The following RPS6KA2 variants were observed in gnomAD, a reference collection of about 807,000 sequenced individuals.
RPS6KA2 encodes ribosomal protein S6 kinase alpha-2.
RPS6KA2 carries 42 observed loss-of-function variants against 91.8 expected under a neutral mutation model. The ratio of observed to expected loss-of-function variants is 0.46; its 90% CI spans 0.36 to 0.59. The LOEUF (loss-of-function observed/expected upper bound fraction) is 0.59, where lower values mean the gene tolerates loss of function less well. Ranked by LOEUF, RPS6KA2 falls within the 20% of genes least tolerant of loss-of-function variation. RPS6KA2 has a pLI of 0.00. For synonymous variants in RPS6KA2, 414 were observed against 393.6 expected (o/e 1.05, Z -0.61); for missense variants, 798 against 978.5 (o/e 0.82, Z 2.46).
In RPS6KA2 at chr6:166,849,545, G is replaced by A. The variant is rs967941355; in HGVS notation, c.123+8655C>T. ...ATCAGCTTGAGTCACCACGCGTGTA[G>A]CTGACAGTGGAGGACCCCAGGCCAC... On this transcript the variant is annotated intron_variant, in intron 2 of 21. Transcript: ENST00000503859. This position sits in a 1 kb window ranked among gnomAD's most constrained non-coding sequence, Gnocchi z 4.9. 6.6e-6 allele frequency among the ~76,000 whole-genome samples: 1 copy of A among 152,192 alleles called. No individual in the cohort carries two copies. The highest frequency in any genetic ancestry group is 2.4e-5 in the African/African-American group (1 of 41,456).
chr6:166,671,706 A>G (rs1343169886), intron 2 of RPS6KA2, among the ~76,000 whole-genome samples: 1 of 152,150 alleles, frequency 6.6e-6, no homozygotes, highest in Non-Finnish European at 1.5e-5. Flanking sequence ...AAAAATGCAA[A>G]GTCAGGGTGC....
chr6:166,560,686 G>A (rs1276456382), intron 1 of RPS6KA2, among the ~76,000 whole-genome samples: 1 of 152,152 alleles, frequency 6.6e-6, no homozygotes, highest in African/African-American at 2.4e-5. Context: ...AGGGGAGGGA[G>A]GGCAGGCACC....
chr6:166,675,490 A>C (rs1315962090), intron 2 of RPS6KA2, among the ~76,000 whole-genome samples: 3 of 152,172 alleles, frequency 2.0e-5, no homozygotes, highest in Non-Finnish European at 4.4e-5. Flanking sequence ...AGAGGCTGTG[A>C]CACCCGGCAA....
In RPS6KA2 at chr6:166,612,477, C is replaced by T. The variant is rs1786220162; in HGVS notation, c.99+14444G>A. On this transcript the variant is annotated intron_variant, in intron 1 of 20. Transcript: ENST00000265678. This position sits in a 1 kb window ranked among gnomAD's most constrained non-coding sequence, Gnocchi z 4.3. Reference sequence around the variant, plus strand: ...TGGCTCCTGCAGACCCCTGGCTCCCCTCGCGGGCTTGCAACCAGGCACTCT... The same window carrying T: ...TGGCTCCTGCAGACCCCTGGCTCCCTTCGCGGGCTTGCAACCAGGCACTCT... Among the ~76,000 whole-genome samples the T allele has an allele frequency of 6.6e-6, 1 of 152,182 alleles. No homozygotes were observed. Among genetic ancestry groups the T allele is most frequent in the South Asian group, 2.1e-4 (1 of 4,826 alleles).
chr6:166,774,403 T>C (rs1231893687), intron 2 of RPS6KA2, among the ~76,000 whole-genome samples: 1 of 152,194 alleles, frequency 6.6e-6, no homozygotes, highest in East Asian at 1.9e-4. Flanking sequence ...TTTCAAGTGG[T>C]GCTGTGGCTG....
chr6:166,736,430 C>T (rs535324317), intron 2 of RPS6KA2, among the ~76,000 whole-genome samples: 2 of 152,210 alleles, frequency 1.3e-5, no homozygotes, highest in Non-Finnish European at 2.9e-5. Flanking sequence ...TGCCACCTTG[C>T]TATTTGCCAC....
intron 2 of RPS6KA2, among the ~76,000 whole-genome samples, chr6:166,693,319 CG>C (rs994361763): frequency 6.6e-6 from 1 of 152,206 alleles, no homozygotes; most frequent in Non-Finnish European, 1.5e-5. Flanking sequence ...CTGCTAAACA[CG>C]CGGAAGTGAT....
intron 12 of RPS6KA2, among the ~76,000 whole-genome samples, chr6:166,458,536 G>A (rs572287764): frequency 6.6e-6 from 1 of 152,302 alleles, no homozygotes; most frequent in East Asian, 1.9e-4. Flanking sequence ...AGGCCTTTAA[G>A]AGAATAACTG....
chr6:166,696,231 C>G (rs1185081120), intron 2 of RPS6KA2, among the ~76,000 whole-genome samples: 1 of 152,044 alleles, frequency 6.6e-6, no homozygotes, highest in African/African-American at 2.4e-5. Context: ...GAGAAGCAGC[C>G]CCACGTGAGA....
Position 166,447,953 on chromosome 6 carries a change from C to CT in RPS6KA2, c.1332+770dup, listed in dbSNP as rs111680950. On this transcript the variant is annotated intron_variant, in intron 14 of 20. Transcript: ENST00000265678. ...CTTTTGGAGAGGATGTACAATGTATCTTTTTTTAACATAAATTTCATTCTG... is the reference window on the plus strand; with the variant it reads ...CTTTTGGAGAGGATGTACAATGTATCTTTTTTTTAACATAAATTTCATTCTG... 4.9e-3 allele frequency among the ~76,000 whole-genome samples: 748 copies of CT among 152,210 alleles called. 5 individuals carry two copies. Among genetic ancestry groups the CT allele is most frequent in the African/African-American group, 0.016 (680 of 41,532 alleles).
chr6:166,542,469 A>G (rs1283884661), intron 1 of RPS6KA2: 1 of 152,196 alleles, frequency 6.6e-6, no homozygotes. Flanking sequence ...AGCTAACTTG[A>G]GAGCTTTGGG....
chr6:166,641,015 T>C (rs1430015468), intron 2 of RPS6KA2, among the ~76,000 whole-genome samples: 1 of 152,238 alleles, frequency 6.6e-6, no homozygotes, highest in East Asian at 1.9e-4. Context: ...TAGTATGGCC[T>C]GAAAAACTCC....
chr6:166,468,703 A>G (rs576579617), intron 11 of RPS6KA2, among the ~76,000 whole-genome samples: 2 of 151,880 alleles, frequency 1.3e-5, no homozygotes, highest in African/African-American at 4.8e-5. Flanking sequence ...CTCTACTAAA[A>G]ATATAAAAAA....
chr6:166,744,238 G>A (rs1294551350), intron 2 of RPS6KA2, among the ~76,000 whole-genome samples: 1 of 152,264 alleles, frequency 6.6e-6, no homozygotes. Context: ...AGCCAGCCCT[G>A]TGGATGCAGT....
At chr6:166,455,345 C>A (rs1441630208) in intron 12 of RPS6KA2, among the ~76,000 whole-genome samples, 1 of 152,092 alleles carries the variant, frequency 6.6e-6, no homozygotes, top group Non-Finnish European at 1.5e-5. Flanking sequence ...CAAGCGGGGG[C>A]CAGGCCGTGG....
chr6:166,592,846 A>G (rs1202541899), intron 1 of RPS6KA2, among the ~76,000 whole-genome samples: 1 of 152,216 alleles, frequency 6.6e-6, no homozygotes. Context: ...TATATTCCTA[A>G]TTATATTCCT....
chr6:166,748,241 G>C (rs995330901), intron 2 of RPS6KA2, among the ~76,000 whole-genome samples: 1 of 152,158 alleles, frequency 6.6e-6, no homozygotes, highest in Non-Finnish European at 1.5e-5. Flanking sequence ...GGCGGGATGA[G>C]GGCAGCCCGG....
In RPS6KA2 at chr6:166,554,143, T is replaced by C. The variant is rs560267028; in HGVS notation, c.100-15359A>G. ...GTGCTGCCATCACTGAAGCAACTGATGCAGTTCGTAAGTTCAGCTTTCTGC... is the reference window on the plus strand; with the variant it reads ...GTGCTGCCATCACTGAAGCAACTGACGCAGTTCGTAAGTTCAGCTTTCTGC... On this transcript the variant is annotated intron_variant, in intron 1 of 20. Transcript: ENST00000265678. The surrounding 1 kb of genome is among the most constrained non-coding windows in gnomAD (Gnocchi z 4.3). 8.0e-4 allele frequency among the ~76,000 whole-genome samples: 122 copies of C among 152,374 alleles called. No homozygotes were observed. Among genetic ancestry groups the C allele is most frequent in the Non-Finnish European group, 1.0e-3 (70 of 68,036 alleles).
At chr6:166,619,164 T>A (rs1786533209) in intron 1 of RPS6KA2, among the ~76,000 whole-genome samples, 1 of 152,208 alleles carries the variant, frequency 6.6e-6, no homozygotes, top group Non-Finnish European at 1.5e-5. Context: ...GAGTCACACA[T>A]CATGATCCAT....
Sources: allele counts gnomAD v4.1 joint callset (sites outside exome capture counted in the v4.1 genomes callset), GRCh38; gene constraint gnomAD v4.1.1; non-coding constraint Gnocchi (gnomAD v3.1); transcripts MANE v1.5; gene names NCBI Gene and HGNC (gene_info 2026-07-23, HGNC 2026-07-21).